FHIP2A: variants seen among roughly 807,000 people sequenced by gnomAD.
The protein encoded by FHIP2A is family with sequence similarity 160 member B1.
A neutral mutation model predicts 93.5 loss-of-function variants in FHIP2A; 46 were observed. The observed-to-expected ratio is 0.49, with a 90% CI of 0.39 to 0.63. FHIP2A has a LOEUF of 0.63. FHIP2A is among the 20% of genes least tolerant of loss of function. FHIP2A has a pLI of 0.00. For missense variants in FHIP2A, 769 were observed against 909.7 expected (o/e 0.85, Z 1.99); for synonymous variants, 332 against 326.5 (o/e 1.02, Z -0.18).
intron 16 of FHIP2A, among the ~76,000 whole-genome samples, chr10:114,880,460 G>T (rs545567926): frequency 1.3e-5 from 2 of 152,086 alleles, no homozygotes; most frequent in Non-Finnish European, 2.9e-5. Context: ...CAGGCAGATC[G>T]CATGAGGCCA....
chr10:114,843,204 T>C lies in FHIP2A; in HGVS notation c.794T>C (p.Leu265Ser). 1 of 1,613,152 alleles carries C rather than the reference T, an allele frequency of 6.2e-7. No individual in the cohort carries two copies. Among genetic ancestry groups the C allele is most frequent in the Non-Finnish European group, 8.5e-7 (1 of 1,179,360 alleles). Reference protein sequence around the residue: ...PNQDYNLVNSLLNLTRSPDGR... With the variant: ...PNQDYNLVNSSLNLTRSPDGR... ...CAGGATTACAATTTAGTGAATTCTT[T>C]GTTAAATCTTACTAGAAGTCCTGTG... Residue 265 changes from leucine (L) to serine (S), a missense_variant, in exon 6 of 17, where the codon TTG (leucine) becomes TCG (serine). Coordinates refer to ENST00000369248, the MANE Select transcript of FHIP2A (RefSeq NM_020940.4).
downstream of FHIP2A, among the ~76,000 whole-genome samples, chr10:114,865,335 A>G (rs1415160487): frequency 3.3e-5 from 5 of 152,246 alleles, no homozygotes; most frequent in South Asian, 2.1e-4. Context: ...TTTTTCTAAC[A>G]TATATAAAAA....
At chr10:114,850,790 A>T (rs939961409) in intron 13 of FHIP2A, among the ~76,000 whole-genome samples, 1 of 152,230 alleles carries the variant, frequency 6.6e-6, no homozygotes, top group Non-Finnish European at 1.5e-5. Flanking sequence ...CATATTCTGC[A>T]TAGTAGATCC....
Position 114,843,130 on chromosome 10 carries a change from T to A in FHIP2A, c.720T>A (p.Asp240Glu). 1 of 1,614,060 alleles carries A rather than the reference T, an allele frequency of 6.2e-7. No individual in the cohort carries two copies. The highest frequency in any genetic ancestry group is 1.1e-5 in the South Asian group (1 of 91,082). The change falls in exon 6 of 17, where the codon GAT (aspartate) becomes GAA (glutamate). Residue 240 changes from aspartate (D) to glutamate (E), a missense_variant. Physicochemically the swap from Asp to Glu is conservative, Grantham distance 45 (BLOSUM62 2). Transcript: ENST00000369248. ...HQMDHLSTSLDNLSVTSLPEA... is the reference protein window; with the variant it reads ...HQMDHLSTSLENLSVTSLPEA... ...TGGATCACCTGTCCACAAGCTTGGA[T>A]AACCTCAGTGTCACCTCACTGCCAG... is the stretch of plus-strand genomic sequence containing the variant.
chr10:114,896,237 A>C (rs1035281417), intron 16 of FHIP2A, among the ~76,000 whole-genome samples: 11 of 151,848 alleles, frequency 7.2e-5, no homozygotes, highest in African/African-American at 2.7e-4. Context: ...AAACAAGCAA[A>C]CAAAAAAAAA....
At chr10:114,874,854 T>G (rs2083876475) in intron 16 of FHIP2A, among the ~76,000 whole-genome samples, 1 of 152,210 alleles carries the variant, frequency 6.6e-6, no homozygotes, top group Non-Finnish European at 1.5e-5. Flanking sequence ...CAGAGGTGAC[T>G]CAGGCCTCTC....
chr10:114,832,750 C>T (rs1405595675), intron 2 of FHIP2A, among the ~76,000 whole-genome samples: 2 of 141,904 alleles, frequency 1.4e-5, no homozygotes, highest in East Asian at 2.0e-4. Context: ...CCCTCTCTGT[C>T]GCCCAGGCTG....
At position 114,835,578 on chromosome 10, in the gene FHIP2A, G is replaced by A. The variant is rs1251400753; in HGVS notation, c.336G>A (p.Thr112=). Residue 112 remains threonine, a synonymous_variant, in exon 4 of 17, where the codon ACG becomes ACA. Transcript: ENST00000369248. ...GMKQQVLVFY[T]KLLGRIRQPL... ...AACAGCAGGTTTTGGTTTTCTATAC[G>A]AAACTTCTGGGAAGAATCCGGCAGC... The A allele has an allele frequency of 3.7e-6, 6 of 1,613,138 alleles. No homozygotes were observed. The highest frequency in any genetic ancestry group is 1.3e-5 in the African/African-American group (1 of 74,870).
At chr10:114,823,019 G>A (rs2083546774) in intron 1 of FHIP2A, among the ~76,000 whole-genome samples, 1 of 152,122 alleles carries the variant, frequency 6.6e-6, no homozygotes, top group Admixed American at 6.5e-5. Flanking sequence ...TATTCTGGGA[G>A]AACTGCCCAA....
chr10:114,874,089 G>C (rs570982954), intron 16 of FHIP2A, among the ~76,000 whole-genome samples: 1 of 152,342 alleles, frequency 6.6e-6, no homozygotes, highest in African/African-American at 2.4e-5. Flanking sequence ...TCTGAAGACA[G>C]GGTAGAGGAC....
At chr10:114,840,344 A>G (rs1383642644) in intron 5 of FHIP2A, among the ~76,000 whole-genome samples, 1 of 152,260 alleles carries the variant, frequency 6.6e-6, no homozygotes, top group Admixed American at 6.5e-5. Context: ...GATGTGTGGC[A>G]AGAAGCACCT....
chr10:114,894,182 T>G (rs1413933293), intron 16 of FHIP2A, among the ~76,000 whole-genome samples: 1 of 152,096 alleles, frequency 6.6e-6, no homozygotes, highest in African/African-American at 2.4e-5. Flanking sequence ...GCTATGACAT[T>G]AAGCCAAAGG....
At chr10:114,848,255 C>G (rs1001138059) in intron 12 of FHIP2A, among the ~76,000 whole-genome samples, 3 of 152,076 alleles carry the variant, frequency 2.0e-5, no homozygotes, top group Admixed American at 1.3e-4. Context: ...ATAAAAATCT[C>G]AAGTTCAATT....
intron 1 of FHIP2A, among the ~76,000 whole-genome samples, chr10:114,822,900 T>C (rs905218811): frequency 6.6e-6 from 1 of 152,218 alleles, no homozygotes; most frequent in Non-Finnish European, 1.5e-5. Flanking sequence ...GACACCAGCA[T>C]AGAGACAGTA....
rs1170377153 is a variant in FHIP2A, at chr10:114,862,670, A to C, written c.*1130A>C. The C allele has an allele frequency of 1.2e-5, 12 of 985,574 alleles. No individual in the cohort carries two copies. The highest frequency in any genetic ancestry group is 1.4e-5 in the Non-Finnish European group (12 of 830,108). 61.1% of individuals were successfully genotyped at this position (985,574 alleles called of 1,614,324 possible). A position where few individuals can be genotyped will look rare whatever the true frequency, so the allele number is the denominator to read the frequency against. On this transcript the variant is annotated 3_prime_UTR_variant, in exon 17 of 17. Transcript: ENST00000369248. The stretch of plus-strand genomic sequence containing the variant: ...GTAGTTCAGCAAAGCTGCGCTGGGC[A>C]CAGCATGCTTGTACTTGATTGACAA...
chr10:114,842,635 T>C (rs2083675572), intron 5 of FHIP2A, among the ~76,000 whole-genome samples: 1 of 152,136 alleles, frequency 6.6e-6, no homozygotes, highest in Non-Finnish European at 1.5e-5. Context: ...CCTGAAACTT[T>C]TTTCCTCACT....
At chr10:114,835,507 C>A in intron 3 of FHIP2A, 30 bp from the exon 4 acceptor site, 1 of 1,354,846 alleles carries the variant, frequency 7.4e-7, no homozygotes, top group Non-Finnish European at 1.1e-6. Context: ...CTGTTGTTTT[C>A]CTGTTGGCTT....
chr10:114,858,702 G>A (rs2083780888), intron 14 of FHIP2A, among the ~76,000 whole-genome samples: 1 of 151,734 alleles, frequency 6.6e-6, no homozygotes, highest in Admixed American at 6.6e-5. Context: ...TCTCAGAGAA[G>A]GCTATTCTGT....
At chr10:114,880,742 G>A (rs1156264445) in intron 16 of FHIP2A, among the ~76,000 whole-genome samples, 1 of 149,282 alleles carries the variant, frequency 6.7e-6, no homozygotes, top group Non-Finnish European at 1.5e-5. Context: ...GGAATTCAAT[G>A]TGTTGCATGG....
Sources: allele counts gnomAD v4.1 joint callset (sites outside exome capture counted in the v4.1 genomes callset), GRCh38; gene constraint gnomAD v4.1.1; transcripts MANE v1.5; gene names NCBI Gene and HGNC (gene_info 2026-07-23, HGNC 2026-07-21).